The following PCDHA2 variants were observed in gnomAD, a reference collection of about 807,000 sequenced individuals.
PCDHA2 encodes protocadherin alpha-2.
PCDHA2 carries 58 observed loss-of-function variants against 66.0 expected under a neutral mutation model. That is an observed-to-expected ratio of 0.88 (90% confidence interval 0.71 to 1.09). The LOEUF (loss-of-function observed/expected upper bound fraction) is 1.09, where lower values mean the gene tolerates loss of function less well. PCDHA2 is among the 50% of genes least tolerant of loss of function. The probability of loss-of-function intolerance (pLI) is 0.00; values close to 1 mark genes in which losing one functional copy is unlikely to be tolerated. For missense variants in PCDHA2, 1,267 were observed against 1,242.3 expected, an observed-to-expected ratio of 1.02 and a Z score of -0.30; for synonymous variants, 634 against 554.0, an observed-to-expected ratio of 1.14 and a Z score of -2.03.
chr5:140,872,471 T>TA (rs1468696649), intron 1 of PCDHA2, among the ~76,000 whole-genome samples: 3 of 152,026 alleles, frequency 2.0e-5, no homozygotes, highest in Non-Finnish European at 4.4e-5. Context: ...TATAAAAAAT[T>TA]AAAAAATTAG....
intron 1 of PCDHA2, among the ~76,000 whole-genome samples, chr5:140,920,261 A>T (rs535022961): frequency 3.3e-4 from 50 of 152,226 alleles, no homozygotes; most frequent in Non-Finnish European, 2.8e-4. Context: ...TATAATAATT[A>T]TTACTTTATG....
intron 1 of PCDHA2, chr5:140,843,752 T>C: frequency 6.6e-7 from 1 of 1,516,544 alleles, no homozygotes; most frequent in South Asian, 1.2e-5. Context: ...TAAATTCTAT[T>C]TGTGGAAATT....
chr5:140,842,359 C>T (rs1157712945), intron 1 of PCDHA2: 5 of 1,606,532 alleles, frequency 3.1e-6, no homozygotes, highest in Non-Finnish European at 4.3e-6. Context: ...AAAATGATAA[C>T]GTCCCTGAGA....
At chr5:140,946,631 T>TATATATATATACACACAC (rs57893927) in intron 1 of PCDHA2, among the ~76,000 whole-genome samples, 1 of 131,846 alleles carries the variant, frequency 7.6e-6, no homozygotes, top group East Asian at 2.0e-4. Context: ...TATATATATA[T>TATATATATATACACACAC]ACAATGGAAT....
At chr5:140,924,894 C>CAA (rs782133089) in intron 1 of PCDHA2, among the ~76,000 whole-genome samples, 44 of 71,514 alleles carry the variant, frequency 6.2e-4, no homozygotes, top group African/African-American at 1.3e-3. Flanking sequence ...GAACCTGTCT[C>CAA]AAAAAAAAAA....
In PCDHA2 at chr5:140,883,821, A is replaced by G. The variant is rs376667172; in HGVS notation, c.2388+86469A>G. 3 of 1,612,334 alleles carry G rather than the reference A, an allele frequency of 1.9e-6. No homozygotes were observed. Among genetic ancestry groups the G allele is most frequent in the Non-Finnish European group, 2.5e-6 (3 of 1,179,764 alleles). The stretch of plus-strand genomic sequence containing the variant: ...GTGCACGCGGAGAGCGGCAAGGTGT[A>G]CGCGCTGCAGCCGTTGGACCACGAG... On this transcript the variant is annotated intron_variant, in intron 1 of 3. Coordinates refer to ENST00000526136, the MANE Select transcript of PCDHA2 (RefSeq NM_018905.3).
intron 1 of PCDHA2, chr5:140,809,647 A>C: frequency 6.7e-7 from 1 of 1,500,206 alleles, no homozygotes; most frequent in Non-Finnish European, 8.9e-7. Context: ...TTTATTTCTA[A>C]GAGTCAAATT....
chr5:140,981,862 T>C (rs1160188291), intron 2 of PCDHA2, among the ~76,000 whole-genome samples: 1 of 152,212 alleles, frequency 6.6e-6, no homozygotes, highest in African/African-American at 2.4e-5. Flanking sequence ...CTCCCAGCAA[T>C]GTTTTATGCT....
intron 1 of PCDHA2, chr5:140,875,562 G>A (rs2055601257): frequency 6.2e-7 from 1 of 1,614,120 alleles, no homozygotes; most frequent in Non-Finnish European, 8.5e-7. Context: ...GGAGCGGCCA[G>A]CTCCACTACT....
intron 1 of PCDHA2, among the ~76,000 whole-genome samples, chr5:140,833,040 A>T (rs1043958176): frequency 3.9e-5 from 6 of 152,216 alleles, no homozygotes; most frequent in Non-Finnish European, 8.8e-5. Context: ...TGTGATATAA[A>T]GCAAGAAAAG....
chr5:140,896,227 A>G (rs1332090647), intron 1 of PCDHA2, among the ~76,000 whole-genome samples: 1 of 152,230 alleles, frequency 6.6e-6, no homozygotes, highest in Non-Finnish European at 1.5e-5. Flanking sequence ...TCTTTATAGT[A>G]GAATGACTTA....
chr5:140,804,869 T>C, intron 1 of PCDHA2: 3 of 569,386 alleles, frequency 5.3e-6, no homozygotes, highest in Non-Finnish European at 8.7e-6. Flanking sequence ...AAAATAGATA[T>C]TTTTCTTGAC....
chr5:140,876,792 A>G (rs782210017), intron 1 of PCDHA2: 98 of 1,613,998 alleles, frequency 6.1e-5, no homozygotes, highest in Non-Finnish European at 7.5e-5. Flanking sequence ...CCACGGCTAG[A>G]GTGTCCGTGG....
intron 3 of PCDHA2, among the ~76,000 whole-genome samples, chr5:140,996,394 G>A (rs2097724789): frequency 6.6e-6 from 1 of 152,192 alleles, no homozygotes; most frequent in Non-Finnish European, 1.5e-5. Context: ...GCCTCATAGA[G>A]TTTCAGGTGG....
At chr5:140,924,765 C>T (rs574213548) in intron 1 of PCDHA2, among the ~76,000 whole-genome samples, 2 of 151,640 alleles carry the variant, frequency 1.3e-5, no homozygotes, top group Non-Finnish European at 2.9e-5. Context: ...CATGGTGGTG[C>T]GCGCTTGTAG....
intron 1 of PCDHA2, chr5:140,807,200 T>C: frequency 6.2e-7 from 1 of 1,613,670 alleles, no homozygotes; most frequent in Non-Finnish European, 8.5e-7. Context: ...GGAGTTTTCC[T>C]GGGGAAGCGG....
intron 1 of PCDHA2, chr5:140,808,731 G>T (rs1554124738): frequency 3.1e-6 from 5 of 1,612,164 alleles, no homozygotes; most frequent in Admixed American, 1.7e-5. Context: ...GCGGAGAGCG[G>T]CAAGGTGTAC....
intron 1 of PCDHA2, chr5:140,835,828 C>A: frequency 6.2e-7 from 1 of 1,612,490 alleles, no homozygotes. Context: ...GCGGGGGACG[C>A]GGACGCGCAG....
Position 140,796,317 on chromosome 5 carries a change from C to A in PCDHA2, c.1353C>A (p.Asn451Lys), listed in dbSNP as rs376199248. The change falls in exon 1 of 4, where the codon AAC (asparagine) becomes AAA (lysine). Residue 451 changes from asparagine (N) to lysine (K), a missense_variant. Physicochemically the swap from Asn to Lys is moderately conservative, Grantham distance 94. Coordinates refer to ENST00000526136, the MANE Select transcript of PCDHA2 (RefSeq NM_018905.3). ...VSIEVADVND[N>K]APAFAQPEYT... is the part of the protein sequence containing the mutation. ...TCGAGGTGGCCGACGTGAACGACAA[C>A]GCGCCGGCGTTCGCACAGCCTGAGT... 9.9e-6 allele frequency: 16 copies of A among 1,613,990 alleles called. No individual in the cohort carries two copies. Among genetic ancestry groups the A allele is most frequent in the Middle Eastern group, 1.6e-4 (1 of 6,080 alleles).
Sources: allele counts gnomAD v4.1 joint callset (sites outside exome capture counted in the v4.1 genomes callset), GRCh38; gene constraint gnomAD v4.1.1; transcripts MANE v1.5; gene names NCBI Gene and HGNC (gene_info 2026-07-23, HGNC 2026-07-21).